The following MTUS2 variants were observed in gnomAD, a reference collection of about 807,000 sequenced individuals.
MTUS2 encodes microtubule-associated tumor suppressor candidate 2.
A neutral mutation model predicts 114.1 loss-of-function variants in MTUS2; 40 were observed. The ratio of observed to expected loss-of-function variants is 0.35; its 90% CI spans 0.27 to 0.46. The LOEUF is 0.46. Among genes scored for constraint, MTUS2 ranks in the 20% least tolerant of loss-of-function variants. MTUS2 has a pLI of 1.00. For missense variants in MTUS2, 1,679 were observed against 1,705.4 expected, an observed-to-expected ratio of 0.98 and a Z score of 0.27; for synonymous variants, 688 against 672.0, an observed-to-expected ratio of 1.02 and a Z score of -0.37.
intron 5 of MTUS2, among the ~76,000 whole-genome samples, chr13:29,238,656 A>C (rs372517871): frequency 2.6e-5 from 4 of 152,310 alleles, no homozygotes; most frequent in African/African-American, 7.2e-5. Context: ...CCAAGGGGAT[A>C]GTGCTCACCC....
chr13:29,482,795 C>G (rs1051481327), intron 10 of MTUS2, among the ~76,000 whole-genome samples: 1 of 152,240 alleles, frequency 6.6e-6, no homozygotes, highest in Non-Finnish European at 1.5e-5. Flanking sequence ...TTGACTGAAT[C>G]TTTCCAACAC....
intron 2 of MTUS2, among the ~76,000 whole-genome samples, chr13:28,935,383 GT>G (rs1881850925): frequency 6.6e-6 from 1 of 152,052 alleles, no homozygotes; most frequent in Non-Finnish European, 1.5e-5. Flanking sequence ...GAATTCCAAA[GT>G]TTTTGCAAGT....
intron 6 of MTUS2, among the ~76,000 whole-genome samples, chr13:29,301,600 C>A (rs369940225): frequency 3.9e-5 from 6 of 152,162 alleles, no homozygotes; most frequent in African/African-American, 1.4e-4. Flanking sequence ...TGAAGTTAGA[C>A]CGAGATTACC....
At chr13:29,389,508 C>CGT (rs1233462818) in intron 8 of MTUS2, among the ~76,000 whole-genome samples, 5 of 69,612 alleles carry the variant, frequency 7.2e-5, no homozygotes, top group African/African-American at 1.5e-4. Flanking sequence ...TATGTATACA[C>CGT]GTGTGTGTAT....
intron 8 of MTUS2, among the ~76,000 whole-genome samples, chr13:29,361,345 A>G (rs537464500): frequency 6.6e-6 from 1 of 152,350 alleles, no homozygotes; most frequent in South Asian, 2.1e-4. Flanking sequence ...ATGGGCTTCA[A>G]AAATGACCGT....
chr13:29,299,921 G>A (rs769100428), intron 6 of MTUS2, among the ~76,000 whole-genome samples: 22 of 151,830 alleles, frequency 1.4e-4, no homozygotes, highest in Non-Finnish European at 2.4e-4. Flanking sequence ...TAATTTTACT[G>A]GGCAGTCCAG....
chr13:28,949,164 C>T (rs1593325002), intron 2 of MTUS2, among the ~76,000 whole-genome samples: 1 of 152,184 alleles, frequency 6.6e-6, no homozygotes, highest in African/African-American at 2.4e-5. Context: ...GAGGCTGACC[C>T]TCCTTAGGGA....
At chr13:29,442,877 AC>A (rs1877993493) in intron 9 of MTUS2, among the ~76,000 whole-genome samples, 1 of 152,056 alleles carries the variant, frequency 6.6e-6, no homozygotes, top group South Asian at 2.1e-4. Context: ...GTGCAGTGTT[AC>A]CCCCTGTAAT....
In MTUS2 at chr13:29,178,681, TA is replaced by T. The variant is rs1165203040; in HGVS notation, c.2644+77724del. 2.6e-3 allele frequency among the ~76,000 whole-genome samples: 385 copies of T among 149,706 alleles called. 1 individual carries two copies. Among genetic ancestry groups the T allele is most frequent in the African/African-American group, 6.4e-3 (259 of 40,714 alleles). On this transcript the variant is annotated intron_variant, in intron 5 of 15. Coordinates refer to ENST00000612955, the MANE Select transcript of MTUS2 (RefSeq NM_001033602.4). The stretch of plus-strand genomic sequence containing the variant: ...ATCATGGCCAAAAGGACAGAATTAT[TA>T]AAAAAAAAAAAATTTTTTTCTCAAT...
chr13:28,893,226 A>C (rs1879038673), intron 2 of MTUS2, among the ~76,000 whole-genome samples: 1 of 152,222 alleles, frequency 6.6e-6, no homozygotes, highest in Admixed American at 6.5e-5. Context: ...TCCTAGCCAG[A>C]CAGAAAAACC....
At chr13:28,849,042 G>A (rs754762242) in intron 2 of MTUS2, among the ~76,000 whole-genome samples, 1 of 152,208 alleles carries the variant, frequency 6.6e-6, no homozygotes, top group Non-Finnish European at 1.5e-5. Flanking sequence ...TAATCCATCA[G>A]ATGAATAGTT....
chr13:28,859,520 C>CTG (rs1876842076), intron 2 of MTUS2, among the ~76,000 whole-genome samples: 1 of 152,098 alleles, frequency 6.6e-6, no homozygotes, highest in Non-Finnish European at 1.5e-5. Context: ...TGCTTAGGCC[C>CTG]TGTGTGTGTG....
At chr13:28,863,465 G>A (rs1038175499) in intron 2 of MTUS2, among the ~76,000 whole-genome samples, 1 of 152,136 alleles carries the variant, frequency 6.6e-6, no homozygotes, top group African/African-American at 2.4e-5. Flanking sequence ...CCGAGGCTGA[G>A]GAATTCTGGC....
chr13:28,912,874 AT>A (rs201600802), intron 2 of MTUS2, among the ~76,000 whole-genome samples: 1 of 151,484 alleles, frequency 6.6e-6, no homozygotes, highest in African/African-American at 2.4e-5. Context: ...TTTAAAAAAA[AT>A]TTTGTTATTA....
chr13:29,452,827 C>T (rs1878819709), intron 9 of MTUS2, among the ~76,000 whole-genome samples: 1 of 152,056 alleles, frequency 6.6e-6, no homozygotes, highest in Non-Finnish European at 1.5e-5. Flanking sequence ...CAAGGGCAAC[C>T]CCTAAGTCAC....
At chr13:29,184,250 T>C (rs903264781) in intron 5 of MTUS2, among the ~76,000 whole-genome samples, 5 of 152,224 alleles carry the variant, frequency 3.3e-5, no homozygotes, top group East Asian at 1.9e-4. Context: ...CCAACTCTAT[T>C]AATATATAAA....
At chr13:29,380,142 C>T (rs1250654505) in intron 8 of MTUS2, among the ~76,000 whole-genome samples, 1 of 152,156 alleles carries the variant, frequency 6.6e-6, no homozygotes, top group Non-Finnish European at 1.5e-5. Context: ...CTCCTTGTCC[C>T]TCTGTTCCAC....
At chr13:29,064,222 T>C (rs1593437978) in intron 4 of MTUS2, among the ~76,000 whole-genome samples, 1 of 152,086 alleles carries the variant, frequency 6.6e-6, no homozygotes, top group South Asian at 2.1e-4. Flanking sequence ...GCGAGGTCCA[T>C]GCGGAAGGAA....
intron 2 of MTUS2, among the ~76,000 whole-genome samples, chr13:28,913,952 G>C (rs1880600552): frequency 6.6e-6 from 1 of 151,936 alleles, no homozygotes; most frequent in African/African-American, 2.4e-5. Context: ...TGGGGTCAGT[G>C]GTGATATCCC....
Sources: allele counts gnomAD v4.1 joint callset (sites outside exome capture counted in the v4.1 genomes callset), GRCh38; gene constraint gnomAD v4.1.1; transcripts MANE v1.5; gene names NCBI Gene and HGNC (gene_info 2026-07-23, HGNC 2026-07-21).